Variants in HOXA11 observed in about 807,000 individuals in gnomAD.
HOXA11 encodes homeobox A11.
Under a neutral mutation model 22.5 loss-of-function variants are expected in HOXA11, and 8 were observed. The ratio of observed to expected loss-of-function variants is 0.36; its 90% CI spans 0.21 to 0.64. The LOEUF is 0.64. HOXA11 is among the 30% of genes least tolerant of loss of function. The pLI is 0.67. For synonymous variants in HOXA11, 211 were observed against 188.4 expected, an observed-to-expected ratio of 1.12 and a Z score of -0.98; for missense variants, 388 against 429.0, an observed-to-expected ratio of 0.90 and a Z score of 0.84.
Position 27,184,638 on chromosome 7 carries a change from G to C in HOXA11, c.507C>G (p.Pro169=). The change falls in exon 1 of 2, where the codon CCC becomes CCG. Residue 169 remains proline (P), a synonymous_variant. Coordinates refer to ENST00000006015, the MANE Select transcript of HOXA11 (RefSeq NM_005523.6). ...CCGCGGAGGTCGCCGTGGCCGCCGG[G>C]GGCCCCTTCTCGGCGCTCTTGTCCC... ...YPGDKSAEKG[P]PAATATSAAA... 6.3e-7 allele frequency: 1 copy of C among 1,581,970 alleles called. No homozygotes were observed. Among genetic ancestry groups the C allele is most frequent in the Non-Finnish European group, 8.6e-7 (1 of 1,166,476 alleles).
At chr7:27,183,747 T>TAAAAAAAAAAA (rs61633228) in intron 1 of HOXA11, among the ~76,000 whole-genome samples, 5 of 53,610 alleles carry the variant, frequency 9.3e-5, no homozygotes, top group Non-Finnish European at 1.4e-4. Context: ...GCTCCCCCTT[T>TAAAAAAAAAAA]AAAAAAAAAA....
At chr7:27,183,973 C>T (rs1783812152) in intron 1 of HOXA11, among the ~76,000 whole-genome samples, 1 of 152,120 alleles carries the variant, frequency 6.6e-6, no homozygotes, top group African/African-American at 2.4e-5. Context: ...CTGTTAAACG[C>T]GCTCCTAGCG....
In HOXA11 at chr7:27,184,458, A is replaced by C. The variant is rs540781967; in HGVS notation, c.687T>G (p.Thr229=). The change falls in exon 1 of 2, where the codon ACT becomes ACG. Residue 229 remains threonine (T), a synonymous_variant. Transcript: ENST00000006015. The stretch of plus-strand genomic sequence containing the variant: ...TACTGGAGCCGCCGGCCTTGTCCTC[A>C]GTGTGGCCGGAAGACGACTCGGGGC... ...SSSPESSSGH[T]EDKAGGSSGQ... 1.3e-6 allele frequency: 2 copies of C among 1,565,220 alleles called. No individual in the cohort carries two copies. The highest frequency in any genetic ancestry group is 2.4e-5 in the East Asian group (1 of 42,012).
chr7:27,184,994 G>A lies in HOXA11; in HGVS notation c.151C>T (p.Leu51=), dbSNP rs142429845. ...RPMTYSYSSN[L]PQVQPVREVT... ...TCGCGCACGGGTTGGACCTGGGGCA[G>A]GTTGGAGGAGTAGGAGTATGTCATT... The change falls in exon 1 of 2, where the codon CTG becomes TTG. Residue 51 remains leucine (L), a synonymous_variant. Coordinates refer to ENST00000006015, the MANE Select transcript of HOXA11 (RefSeq NM_005523.6). The A allele has an allele frequency of 1.2e-5, 19 of 1,614,002 alleles. No homozygotes were observed. Among genetic ancestry groups the A allele is most frequent in the Non-Finnish European group, 1.5e-5 (18 of 1,179,980 alleles).
chr7:27,182,898 G>A lies in HOXA11; in HGVS notation c.840C>T (p.Leu280=), dbSNP rs115808703. ...ACCAGATTTTGACTTGACGATCAGT[G>A]AGGTTGAGCATGCGGGACAGTTGCA... ...KRLQLSRMLN[L]TDRQVKIWFQ... The change falls in exon 2 of 2, where the codon CTC becomes CTT. Residue 280 remains leucine (L), a synonymous_variant. Coordinates refer to ENST00000006015, the MANE Select transcript of HOXA11 (RefSeq NM_005523.6). 1,578 of 1,614,060 alleles carry A rather than the reference G, an allele frequency of 9.8e-4. 9 individuals are homozygous for A. In the African/African-American group the frequency reaches 0.012, roughly 13 times the overall value.
Position 27,181,392 on chromosome 7 carries a change from T to C in HOXA11, c.*1404A>G, listed in dbSNP as rs1783763941. The C allele has an allele frequency of 9.7e-6, 2 of 205,296 alleles. No individual in the cohort carries two copies. Among genetic ancestry groups the C allele is most frequent in the South Asian group, 3.8e-4 (2 of 5,298 alleles). 12.7% of individuals were successfully genotyped at this position (205,296 alleles called of 1,614,324 possible). ...CTGCCTCTGAGCATTTCCCTAACTC[T>C]TTCCAAATGTTGCAAGAGATTAAAA... On this transcript the variant is annotated 3_prime_UTR_variant, in exon 2 of 2. Transcript: ENST00000006015.
intron 1 of HOXA11, 43 bp from the exon 2 acceptor site, chr7:27,183,071 C>T: frequency 7.6e-7 from 1 of 1,307,428 alleles, no homozygotes; most frequent in Non-Finnish European, 1.1e-6. Context: ...GGTGTGGGGG[C>T]TGCAATCCAC....
Position 27,184,923 on chromosome 7 carries a change from G to T in HOXA11, c.222C>A (p.His74Gln), listed in dbSNP as rs769200094. The T allele has an allele frequency of 6.3e-5, 102 of 1,613,918 alleles. No homozygotes were observed. The highest frequency in any genetic ancestry group is 8.2e-5 in the Non-Finnish European group (97 of 1,179,940). Residue 74 changes from histidine (H) to glutamine (Q), a missense_variant, in exon 1 of 2, where the codon CAC (histidine) becomes CAA (glutamine). Around this residue, in one of 4 missense-constraint regions of HOXA11, gnomAD observed 295 missense variants for 281.1 expected, o/e 1.05. Transcript: ENST00000006015. ...EYAIEPATKW[H>Q]PRGNLAHCYS... Reference sequence around the variant, plus strand: ...AGCAGTGGGCCAGATTGCCGCGGGGGTGCCATTTAGTGGCGGGCTCAATGG... The same window carrying T: ...AGCAGTGGGCCAGATTGCCGCGGGGTTGCCATTTAGTGGCGGGCTCAATGG...
At position 27,183,869 on chromosome 7, in the gene HOXA11, C is replaced by A. The variant is rs553770022; in HGVS notation, c.709+567G>T. Among the ~76,000 whole-genome samples the A allele has an allele frequency of 2.0e-5, 3 of 151,908 alleles. No homozygotes were observed. The South Asian group carries it at 6.2e-4, about 32-fold the overall frequency. ...AGAAGGAGGCACGTAATTGCCACCA[C>A]GCCAGAGGAAAATGGCTTCCTTTGG... is the stretch of plus-strand genomic sequence containing the variant. On this transcript the variant is annotated intron_variant, in intron 1 of 1. Coordinates refer to ENST00000006015, the MANE Select transcript of HOXA11 (RefSeq NM_005523.6).
In HOXA11 at chr7:27,184,565, T is replaced by C; in HGVS notation, c.580A>G (p.Ser194Gly). Residue 194 changes from serine (S) to glycine (G), a missense_variant, in exon 1 of 2, where the codon AGC becomes GGC. Physicochemically the swap from Ser to Gly is moderately conservative, Grantham distance 56. Transcript: ENST00000006015. ...TCCCGGCAGCCGCCGCCGCCGCCGC[T>C]GTCCGAACTTGAAGTTGCCGGCGCG... ...TGAPATSSSD[S>G]GGGGGCRETA... 1.3e-6 allele frequency: 2 copies of C among 1,495,148 alleles called. No individual in the cohort carries two copies. The highest frequency in any genetic ancestry group is 1.8e-6 in the Non-Finnish European group (2 of 1,119,424). 92.6% of individuals were successfully genotyped at this position (1,495,148 alleles called of 1,614,324 possible).
In HOXA11 at chr7:27,181,225, G is replaced by A. The variant is rs2115459895; in HGVS notation, c.*1571C>T. ...TATAAGTGCTGCAACACACACGGTG[G>A]GTAAGAACCAGAATTGAGGACAGGC... On this transcript the variant is annotated 3_prime_UTR_variant, in exon 2 of 2. Transcript: ENST00000006015. 6.6e-6 allele frequency among the ~76,000 whole-genome samples: 1 copy of A among 152,274 alleles called. No homozygotes were observed. Among genetic ancestry groups the A allele is most frequent in the South Asian group, 2.1e-4 (1 of 4,820 alleles).
chr7:27,184,813 G>A lies in HOXA11; in HGVS notation c.332C>T (p.Ser111Leu), dbSNP rs926107951. ...GVPGDVLAKS[S>L]ANVYHHPTPA... ...GGTGGGGTGGTGGTAGACGTTGGCC[G>A]AGCTCTTGGCCAGCACGTCGCCAGG... Residue 111 changes from serine to leucine, a missense_variant, in exon 1 of 2, where the codon TCG (serine) becomes TTG (leucine). Around this residue, in one of 4 missense-constraint regions of HOXA11, gnomAD observed 295 missense variants for 281.1 expected, o/e 1.05. Coordinates refer to ENST00000006015, the MANE Select transcript of HOXA11 (RefSeq NM_005523.6). 2.9e-5 allele frequency: 46 copies of A among 1,613,718 alleles called. No individual in the cohort carries two copies. Among genetic ancestry groups the A allele is most frequent in the Non-Finnish European group, 3.7e-5 (44 of 1,179,866 alleles).
chr7:27,183,747 TAAAA>T (rs61633228), intron 1 of HOXA11, among the ~76,000 whole-genome samples: 36 of 53,610 alleles, frequency 6.7e-4, no homozygotes, highest in African/African-American at 8.6e-4. Flanking sequence ...GCTCCCCCTT[TAAAA>T]AAAAAAAAAA....
intron 1 of HOXA11, among the ~76,000 whole-genome samples, chr7:27,183,318 C>G (rs1183888302): frequency 1.3e-5 from 2 of 152,286 alleles, no homozygotes; most frequent in African/African-American, 4.8e-5. Flanking sequence ...CGAGTTTGCG[C>G]TGCCTAAGCC....
chr7:27,183,488 T>C (rs945719336), intron 1 of HOXA11, among the ~76,000 whole-genome samples: 4 of 152,200 alleles, frequency 2.6e-5, no homozygotes, highest in Admixed American at 6.5e-5. Flanking sequence ...CGGCCAAGAC[T>C]GGGCAGTCCT....
chr7:27,183,576 G>C (rs996116249), intron 1 of HOXA11, among the ~76,000 whole-genome samples: 1 of 152,102 alleles, frequency 6.6e-6, no homozygotes, highest in Non-Finnish European at 1.5e-5. Flanking sequence ...CCAGCCTTCC[G>C]GCTCCGCCGA....
chr7:27,184,532 C>G lies in HOXA11; in HGVS notation c.613G>C (p.Ala205Pro), dbSNP rs1156725126. 4.7e-6 allele frequency: 7 copies of G among 1,503,980 alleles called. No individual in the cohort carries two copies. The African/African-American group carries it at 1.0e-4, about 22-fold the overall frequency. 93.2% of individuals were successfully genotyped at this position (1,503,980 alleles called of 1,614,324 possible). Reference protein sequence around the residue: ...GGGGGCRETAAAAEEKERRRR... With the variant: ...GGGGGCRETAPAAEEKERRRR... ...CGCCGCTCTTTCTCCTCTGCTGCCG[C>G]CGCCGTCTCCCGGCAGCCGCCGCCG... is the stretch of plus-strand genomic sequence containing the variant. Residue 205 changes from alanine (A) to proline (P), a missense_variant, in exon 1 of 2, where the codon GCG becomes CCG. Ala to Pro is a conservative substitution (Grantham distance 27). This residue lies in a region of HOXA11 where 295 missense variants were observed against 281.1 expected (regional missense o/e 1.05). Transcript: ENST00000006015.
rs749987350 is a variant in HOXA11 at position 27,182,910 on chromosome 7, G to A, written c.828C>T (p.Arg276=). The change falls in exon 2 of 2, where the codon CGC becomes CGT. Residue 276 remains arginine (R), a synonymous_variant. Coordinates refer to ENST00000006015, the MANE Select transcript of HOXA11 (RefSeq NM_005523.6). ...INKEKRLQLS[R]MLNLTDRQVK... is the part of the protein sequence containing the mutation. ...CTTGACGATCAGTGAGGTTGAGCAT[G>A]CGGGACAGTTGCAGGCGCTTCTCTT... 1 of 1,613,856 alleles carries A rather than the reference G, an allele frequency of 6.2e-7. No individual in the cohort carries two copies. Among genetic ancestry groups the A allele is most frequent in the Non-Finnish European group, 8.5e-7 (1 of 1,179,742 alleles).
At position 27,181,811 on chromosome 7, in the gene HOXA11, G is replaced by A. The variant is rs1331133034; in HGVS notation, c.*985C>T. 1 of 210,140 alleles carries A rather than the reference G, an allele frequency of 4.8e-6. No individual in the cohort carries two copies. Among genetic ancestry groups the A allele is most frequent in the South Asian group, 1.9e-4 (1 of 5,344 alleles). 13.0% of individuals were successfully genotyped at this position (210,140 alleles called of 1,614,324 possible). On this transcript the variant is annotated 3_prime_UTR_variant, in exon 2 of 2. Transcript: ENST00000006015. ...TTCCAAGCTCAGTTCAAGAGCCAAT[G>A]AGGGCTGAGTGTGGTGCTGGAACCC... is the stretch of plus-strand genomic sequence containing the variant.
Sources: gnomAD v4.1 joint callset for allele counts (sites outside exome capture counted in the v4.1 genomes callset) on GRCh38, gnomAD v4.1.1 for gene constraint, gnomAD v4.1.1 regional missense constraint, MANE v1.5 for transcripts, NCBI Gene and HGNC (gene_info 2026-07-23, HGNC 2026-07-21) for gene names.